The following PKDCC variants were observed in gnomAD, a reference collection of about 807,000 sequenced individuals.
PKDCC encodes protein kinase domain containing, cytoplasmic.
PKDCC carries 35 observed loss-of-function variants against 44.7 expected under a neutral mutation model. The ratio of observed to expected loss-of-function variants is 0.78; its 90% CI spans 0.60 to 1.04. PKDCC has a LOEUF of 1.04. Ranked by LOEUF, PKDCC falls within the 50% of genes least tolerant of loss-of-function variation. The probability of loss-of-function intolerance (pLI) is 0.00; values close to 1 mark genes in which losing one functional copy is unlikely to be tolerated. For synonymous variants in PKDCC, 353 were observed against 303.3 expected, an observed-to-expected ratio of 1.16 and a Z score of -1.70; for missense variants, 738 against 672.7, an observed-to-expected ratio of 1.10 and a Z score of -1.07.
rs557996262 is a variant in PKDCC, at chr2:42,058,095, TG to T, written c.*412del. 32 of 198,648 alleles carry T rather than the reference TG, an allele frequency of 1.6e-4. No homozygotes were observed. Among genetic ancestry groups the T allele is most frequent in the African/African-American group, 7.2e-4 (31 of 42,914 alleles). 12.3% of individuals were successfully genotyped at this position (198,648 alleles called of 1,614,324 possible). ...CTGCTGCACATGCCACAGCAGGCGG[TG>T]GGGGCTGCGTGGGGACAATCCATCG... On this transcript the variant is annotated 3_prime_UTR_variant, in exon 7 of 7. Coordinates refer to ENST00000294964, the MANE Select transcript of PKDCC (RefSeq NM_138370.3). This position sits in a 1 kb window ranked among gnomAD's most constrained non-coding sequence, Gnocchi z 4.2.
chr2:42,056,675 G>A (rs372210612), intron 5 of PKDCC, among the ~76,000 whole-genome samples: 19 of 151,494 alleles, frequency 1.3e-4, no homozygotes, highest in African/African-American at 4.1e-4. Context: ...GAGATGGGAG[G>A]ATCCCTTGAG....
Position 42,054,285 on chromosome 2 carries a change from C to T in PKDCC, c.1012C>T (p.Arg338Trp), listed in dbSNP as rs749783255. 1.4e-5 allele frequency: 22 copies of T among 1,605,026 alleles called. No individual in the cohort carries two copies. Among genetic ancestry groups the T allele is most frequent in the South Asian group, 3.3e-5 (3 of 89,562 alleles). Residue 338 changes from arginine (R) to tryptophan (W), a missense_variant, in exon 3 of 7, where the codon CGG (arginine) becomes TGG (tryptophan). Coordinates refer to ENST00000294964, the MANE Select transcript of PKDCC (RefSeq NM_138370.3). This position sits in a 1 kb window ranked among gnomAD's most constrained non-coding sequence, Gnocchi z 6.1. ...CTGGTGCGAGGGCATGAACGAGAAGCGGAACCTCTATAATGCCTACAGGTG... is the reference window on the plus strand; with the variant it reads ...CTGGTGCGAGGGCATGAACGAGAAGTGGAACCTCTATAATGCCTACAGGTG... The part of the protein sequence containing the change: ...QGWCEGMNEK[R>W]NLYNAYRFFF...
Position 42,051,724 on chromosome 2 carries a change from G to A in PKDCC, c.640-1515G>A, listed in dbSNP as rs1198772189. On this transcript the variant is annotated intron_variant, in intron 1 of 6. Coordinates refer to ENST00000294964, the MANE Select transcript of PKDCC (RefSeq NM_138370.3). This position sits in a 1 kb window ranked among gnomAD's most constrained non-coding sequence, Gnocchi z 4.2. ...GGAGGGGGTGGAGAGAGAAGAGGGT[G>A]CCTGGAGCTGCCCTGGCCCCCCAAG... Among the ~76,000 whole-genome samples, 1 of 152,074 alleles carries A rather than the reference G, an allele frequency of 6.6e-6. No homozygotes were observed. The highest frequency in any genetic ancestry group is 2.4e-5 in the African/African-American group (1 of 41,402).
chr2:42,048,598 C>A lies in PKDCC; in HGVS notation c.399C>A (p.Ala133=). Residue 133 remains alanine, a synonymous_variant, in exon 1 of 7, where the codon GCC becomes GCA. Coordinates refer to ENST00000294964, the MANE Select transcript of PKDCC (RefSeq NM_138370.3). The surrounding 1 kb of genome is among the most constrained non-coding windows in gnomAD (Gnocchi z 6.2). ...GCCCGGGCCCGCGCCTGGGCTGCGC[C>A]GCGCTTCGCAACGTGTCCGGCGCGC... ...SPGPGPRLGC[A]ALRNVSGAQY... is the part of the protein sequence containing the mutation. 1 of 1,498,692 alleles carries A rather than the reference C, an allele frequency of 6.7e-7. No homozygotes were observed. The highest frequency in any genetic ancestry group is 1.3e-5 in the South Asian group (1 of 78,792). The allele number at this position is 1,498,692 out of a possible 1,614,324, so 92.8% of individuals were successfully genotyped here.
chr2:42,057,416 T>G, intron 6 of PKDCC, 22 bp downstream of exon 6: 1 of 1,613,840 alleles, frequency 6.2e-7, no homozygotes, highest in Non-Finnish European at 8.5e-7. Context: ...GGAGAAGCCC[T>G]TCCAAGGGAG....
At position 42,052,602 on chromosome 2, in the gene PKDCC, A is replaced by G. The variant is rs542014862; in HGVS notation, c.640-637A>G. 2.0e-5 allele frequency among the ~76,000 whole-genome samples: 3 copies of G among 152,160 alleles called. No homozygotes were observed. The highest frequency in any genetic ancestry group is 1.3e-4 in the Admixed American group (2 of 15,294). Reference sequence around the variant, plus strand: ...TGTTTCTACTAAAAAGACAAAAATTAGCTGGGCATAGTGGCAAGCGCCTGT... The same window carrying G: ...TGTTTCTACTAAAAAGACAAAAATTGGCTGGGCATAGTGGCAAGCGCCTGT... On this transcript the variant is annotated intron_variant, in intron 1 of 6. Transcript: ENST00000294964. This position sits in a 1 kb window ranked among gnomAD's most constrained non-coding sequence, Gnocchi z 4.3.
At chr2:42,050,637 C>T (rs1302361113) in intron 1 of PKDCC, among the ~76,000 whole-genome samples, 1 of 152,214 alleles carries the variant, frequency 6.6e-6, no homozygotes, top group African/African-American at 2.4e-5. Flanking sequence ...ACCCTTCCCT[C>T]ACCAAACCAA....
At chr2:42,053,162 G>C (rs1667996853) in intron 1 of PKDCC, 77 bp from the exon 2 acceptor site, 1 of 1,293,652 alleles carries the variant, frequency 7.7e-7, no homozygotes, top group Non-Finnish European at 1.1e-6. Context: ...GAGAGAGAGG[G>C]GGAACCTGAC....
At position 42,057,381 on chromosome 2, in the gene PKDCC, G is replaced by A. The variant is rs1452735733; in HGVS notation, c.1383G>A (p.Gln461=). The change falls in exon 6 of 7, where the codon CAG becomes CAA. Residue 461 remains glutamine, a synonymous_variant. Coordinates refer to ENST00000294964, the MANE Select transcript of PKDCC (RefSeq NM_138370.3). ...AQCRAFVVTN[Q]TTWTGRQLVF... is the part of the protein sequence containing the mutation. ...GTCGGGCCTTTGTGGTCACCAACCA[G>A]ACCACCTGGACAGGTGAGCCAGTGG... 6.2e-7 allele frequency: 1 copy of A among 1,614,050 alleles called. No homozygotes were observed. Among genetic ancestry groups the A allele is most frequent in the East Asian group, 2.2e-5 (1 of 44,898 alleles).
At chr2:42,050,045 G>C (rs1276993190) in intron 1 of PKDCC, among the ~76,000 whole-genome samples, 2 of 152,184 alleles carry the variant, frequency 1.3e-5, no homozygotes, top group Non-Finnish European at 2.9e-5. Flanking sequence ...GGGCGTCGTA[G>C]AGCAGGAGAG....
intron 1 of PKDCC, among the ~76,000 whole-genome samples, chr2:42,050,401 A>T (rs1308282968): frequency 2.0e-5 from 3 of 152,152 alleles, no homozygotes; most frequent in African/African-American, 4.8e-5. Context: ...ATAAAGTCTT[A>T]GTTACTTGAC....
At position 42,055,772 on chromosome 2, in the gene PKDCC, G is replaced by C. The variant is rs1299479482; in HGVS notation, c.1222+379G>C. 2 of 189,362 alleles carry C rather than the reference G, an allele frequency of 1.1e-5. No individual in the cohort carries two copies. Among genetic ancestry groups the C allele is most frequent in the East Asian group, 2.9e-4 (2 of 6,852 alleles). The allele number at this position is 189,362 out of a possible 1,614,324, so 11.7% of individuals were successfully genotyped here. Reference sequence around the variant, plus strand: ...AATTCTTATGGGAATTAAATGTCAGGTGAAATGTGTGAAAGCAATTAGTGC... The same window carrying C: ...AATTCTTATGGGAATTAAATGTCAGCTGAAATGTGTGAAAGCAATTAGTGC... On this transcript the variant is annotated intron_variant, in intron 5 of 6. Coordinates refer to ENST00000294964, the MANE Select transcript of PKDCC (RefSeq NM_138370.3). The surrounding 1 kb of genome is among the most constrained non-coding windows in gnomAD (Gnocchi z 4.5).
chr2:42,048,065 G>C lies in PKDCC; in HGVS notation c.-135G>C, dbSNP rs943951284. The C allele has an allele frequency of 8.1e-6, 3 of 368,422 alleles. No individual in the cohort carries two copies. Among genetic ancestry groups the C allele is most frequent in the African/African-American group, 4.5e-5 (2 of 44,518 alleles). The allele number at this position is 368,422 out of a possible 1,614,324, so 22.8% of individuals were successfully genotyped here. On this transcript the variant is annotated 5_prime_UTR_variant, in exon 1 of 7. Coordinates refer to ENST00000294964, the MANE Select transcript of PKDCC (RefSeq NM_138370.3). The surrounding 1 kb of genome is among the most constrained non-coding windows in gnomAD (Gnocchi z 6.2). ...GTGTCGCCCGCGAGGGGCCGGGGTC[G>C]GGGCCGCCGGGGCCATGCGCGCGGG...
chr2:42,053,147 G>GGGA (rs1462291071), intron 1 of PKDCC, 92 bp from the exon 2 acceptor site: 1 of 1,380,126 alleles, frequency 7.2e-7, no homozygotes, highest in African/African-American at 1.4e-5. Flanking sequence ...TGGGGATGGT[G>GGGA]GGAGGAGAGA....
rs755912430 is a variant in PKDCC at position 42,054,110 on chromosome 2, C to A, written c.837C>A (p.Phe279Leu). 1.9e-6 allele frequency: 3 copies of A among 1,613,178 alleles called. No homozygotes were observed. Among genetic ancestry groups the A allele is most frequent in the Non-Finnish European group, 2.5e-6 (3 of 1,179,872 alleles). Residue 279 changes from phenylalanine (F) to leucine (L), a missense_variant, in exon 3 of 7, where the codon TTC (phenylalanine) becomes TTA (leucine). By Grantham distance (22) the Phe-to-Leu change is conservative. Coordinates refer to ENST00000294964, the MANE Select transcript of PKDCC (RefSeq NM_138370.3). This position sits in a 1 kb window ranked among gnomAD's most constrained non-coding sequence, Gnocchi z 6.1. ...SPLGSVTLLD[F>L]RPRQFVLVDG... is the part of the protein sequence containing the mutation. ...TGGGCTCCGTCACTCTGCTGGACTT[C>A]CGCCCTCGGCAGTTTGTGCTGGTGG...
rs1162072977 is a variant in PKDCC at position 42,054,075 on chromosome 2, C to T, written c.802C>T (p.His268Tyr). Residue 268 changes from histidine (H) to tyrosine (Y), a missense_variant, in exon 3 of 7, where the codon CAC becomes TAC. His to Tyr is a moderately conservative substitution (Grantham distance 83). Coordinates refer to ENST00000294964, the MANE Select transcript of PKDCC (RefSeq NM_138370.3). This position sits in a 1 kb window ranked among gnomAD's most constrained non-coding sequence, Gnocchi z 6.1. Reference sequence around the variant, plus strand: ...GGGCCGCCTCCTCCACCACCTGGCCCACTCCCCACTGGGCTCCGTCACTCT... The same window carrying T: ...GGGCCGCCTCCTCCACCACCTGGCCTACTCCCCACTGGGCTCCGTCACTCT... ...SLGRLLHHLA[H>Y]SPLGSVTLLD... 1 of 1,612,232 alleles carries T rather than the reference C, an allele frequency of 6.2e-7. No individual in the cohort carries two copies. Among genetic ancestry groups the T allele is most frequent in the Non-Finnish European group, 8.5e-7 (1 of 1,179,878 alleles).
In PKDCC at chr2:42,051,918, T is replaced by C. The variant is rs1667973985; in HGVS notation, c.640-1321T>C. Among the ~76,000 whole-genome samples the C allele has an allele frequency of 6.6e-6, 1 of 152,108 alleles. No individual in the cohort carries two copies. Among genetic ancestry groups the C allele is most frequent in the Non-Finnish European group, 1.5e-5 (1 of 68,000 alleles). Reference sequence around the variant, plus strand: ...CAGGGATATCCACCCCTCCACCGCATAGCTCTCCTCTCCCTGAGTCGGGCC... The same window carrying C: ...CAGGGATATCCACCCCTCCACCGCACAGCTCTCCTCTCCCTGAGTCGGGCC... On this transcript the variant is annotated intron_variant, in intron 1 of 6. Transcript: ENST00000294964. The surrounding 1 kb of genome is among the most constrained non-coding windows in gnomAD (Gnocchi z 4.2).
In PKDCC at chr2:42,048,118, G is replaced by A; in HGVS notation, c.-82G>A. On this transcript the variant is annotated 5_prime_UTR_variant, in exon 1 of 7. Coordinates refer to ENST00000294964, the MANE Select transcript of PKDCC (RefSeq NM_138370.3). This position sits in a 1 kb window ranked among gnomAD's most constrained non-coding sequence, Gnocchi z 6.2. ...GGGCAGGGGGCCGGCGGGGCGCAGA[G>A]CGGAGCCGCCTCGGAGCCTGAGCCG... 1 of 842,950 alleles carries A rather than the reference G, an allele frequency of 1.2e-6. No homozygotes were observed. The highest frequency in any genetic ancestry group is 1.4e-6 in the Non-Finnish European group (1 of 703,088). 52.2% of individuals were successfully genotyped at this position (842,950 alleles called of 1,614,324 possible).
intron 1 of PKDCC, 79 bp from the exon 2 acceptor site, chr2:42,053,160 G>A (rs34482969): frequency 0.21 from 274,520 of 1,296,984 alleles, 35,226 homozygotes; most frequent in African/African-American, 0.3. Context: ...AGGAGAGAGA[G>A]GGGGAACCTG....
Sources: gnomAD v4.1 joint callset for allele counts (sites outside exome capture counted in the v4.1 genomes callset) on GRCh38, gnomAD v4.1.1 for gene constraint, Gnocchi (gnomAD v3.1) non-coding constraint, MANE v1.5 for transcripts, NCBI Gene and HGNC (gene_info 2026-07-23, HGNC 2026-07-21) for gene names.